The following PCED1B variants were observed in gnomAD, a reference collection of about 807,000 sequenced individuals.
PCED1B encodes the protein PC-esterase domain-containing protein 1B.
For synonymous variants in PCED1B, 251 were observed against 246.1 expected (o/e 1.02, Z -0.19); for missense variants, 573 against 573.9 (o/e 1.00, Z 0.02).
intron 2 of PCED1B, among the ~76,000 whole-genome samples, chr12:47,213,480 A>T (rs1427574128): frequency 6.6e-6 from 1 of 152,206 alleles, no homozygotes; most frequent in African/African-American, 2.4e-5. Flanking sequence ...ATATATATGT[A>T]TATATTTAAT....
chr12:47,193,141 T>C (rs1363815799), intron 2 of PCED1B, among the ~76,000 whole-genome samples: 2 of 152,230 alleles, frequency 1.3e-5, no homozygotes, highest in Non-Finnish European at 2.9e-5. Context: ...CTTATTACTC[T>C]CATCACTTAC....
At chr12:47,181,090 T>TC (rs1942080381) in intron 2 of PCED1B, among the ~76,000 whole-genome samples, 1 of 151,828 alleles carries the variant, frequency 6.6e-6, no homozygotes, top group Non-Finnish European at 1.5e-5. Context: ...ACTCAGGTGA[T>TC]CCCCCACCTC....
At chr12:47,212,297 A>G (rs1255657772) in intron 2 of PCED1B, among the ~76,000 whole-genome samples, 1 of 152,098 alleles carries the variant, frequency 6.6e-6, no homozygotes, top group Non-Finnish European at 1.5e-5. Context: ...CAAAAAGAAA[A>G]AAGGAGAGAG....
At chr12:47,109,242 T>G (rs1325914493) in intron 2 of PCED1B, among the ~76,000 whole-genome samples, 1 of 152,208 alleles carries the variant, frequency 6.6e-6, no homozygotes. Context: ...CCAGTCTTCT[T>G]GCAACTTTCA....
chr12:47,121,341 C>T (rs954134380), intron 2 of PCED1B, among the ~76,000 whole-genome samples: 1 of 152,118 alleles, frequency 6.6e-6, no homozygotes, highest in African/African-American at 2.4e-5. Flanking sequence ...TTAGTGGGTA[C>T]TCATTGCCCT....
chr12:47,211,999 C>T (rs1442591893), intron 2 of PCED1B, among the ~76,000 whole-genome samples: 1 of 147,632 alleles, frequency 6.8e-6, no homozygotes, highest in Non-Finnish European at 1.5e-5. Context: ...GGCGTGAACC[C>T]GGGAGGCGGA....
chr12:47,209,684 A>G (rs1388167094), intron 2 of PCED1B: 1 of 152,212 alleles, frequency 6.6e-6, no homozygotes, highest in African/African-American at 2.4e-5. Flanking sequence ...TGCCTTATCA[A>G]TTTGGGATCT....
intron 1 of PCED1B, among the ~76,000 whole-genome samples, chr12:47,096,799 T>G (rs752715568): frequency 7.2e-5 from 11 of 152,250 alleles, no homozygotes; most frequent in Non-Finnish European, 1.3e-4. Context: ...TTCTATTACA[T>G]ATATTAGAAA....
chr12:47,122,283 G>T (rs1565760804), intron 2 of PCED1B, among the ~76,000 whole-genome samples: 1 of 151,948 alleles, frequency 6.6e-6, no homozygotes, highest in Non-Finnish European at 1.5e-5. Context: ...AAGCACCACA[G>T]CAGATTTACC....
chr12:47,087,090 C>A (rs190499812), intron 1 of PCED1B, among the ~76,000 whole-genome samples: 1 of 152,346 alleles, frequency 6.6e-6, no homozygotes, highest in African/African-American at 2.4e-5. Flanking sequence ...ACAAGGCCCT[C>A]TGTGGTGGCT....
chr12:47,113,523 A>G (rs781582731), intron 2 of PCED1B, among the ~76,000 whole-genome samples: 1 of 152,158 alleles, frequency 6.6e-6, no homozygotes, highest in Non-Finnish European at 1.5e-5. Context: ...CTCCTGCTTC[A>G]AATCCTATTC....
At chr12:47,212,552 C>T (rs1183503068) in intron 2 of PCED1B, among the ~76,000 whole-genome samples, 1 of 152,198 alleles carries the variant, frequency 6.6e-6, no homozygotes, top group African/African-American at 2.4e-5. Context: ...CGAGCTTCAA[C>T]TTGACCTAAC....
At chr12:47,088,335 G>A (rs571396629) in intron 1 of PCED1B, among the ~76,000 whole-genome samples, 1 of 152,154 alleles carries the variant, frequency 6.6e-6, no homozygotes, top group Non-Finnish European at 1.5e-5. Flanking sequence ...GAGCCTGGCT[G>A]TACCAGAGTC....
chr12:47,107,035 G>A (rs549427125), intron 2 of PCED1B, among the ~76,000 whole-genome samples: 1 of 152,208 alleles, frequency 6.6e-6, no homozygotes, highest in East Asian at 1.9e-4. Flanking sequence ...ACCCGGCCAG[G>A]GCTCAAGCAT....
chr12:47,102,461 C>G (rs1214903322), intron 1 of PCED1B, among the ~76,000 whole-genome samples: 1 of 152,188 alleles, frequency 6.6e-6, no homozygotes, highest in Non-Finnish European at 1.5e-5. Flanking sequence ...ACAGTTTTCC[C>G]TGCAACATGA....
At chr12:47,217,001 G>A (rs1235518826) in intron 3 of PCED1B, among the ~76,000 whole-genome samples, 2 of 152,160 alleles carry the variant, frequency 1.3e-5, no homozygotes, top group Non-Finnish European at 2.9e-5. Flanking sequence ...GACCACAAAG[G>A]CTTGGCATCA....
At chr12:47,097,417 C>T (rs1237483671) in intron 1 of PCED1B, among the ~76,000 whole-genome samples, 1 of 152,134 alleles carries the variant, frequency 6.6e-6, no homozygotes. Context: ...GACTGGAAGC[C>T]CACATTAAAG....
At position 47,091,358 on chromosome 12, in the gene PCED1B, T is replaced by G. The variant is rs533994781; in HGVS notation, c.-609+11633T>G. ...TCTTTTATGAGACTTTTGCCCATTA[T>G]GCTGTTGAGTTGTTCAACTTTTTCT... is the stretch of plus-strand genomic sequence containing the variant. On this transcript the variant is annotated intron_variant, in intron 1 of 3. Coordinates refer to ENST00000546455, the MANE Select transcript of PCED1B (RefSeq NM_138371.3). 4.6e-5 allele frequency among the ~76,000 whole-genome samples: 7 copies of G among 152,314 alleles called. No individual in the cohort carries two copies. In the South Asian group the frequency reaches 1.2e-3, roughly 27 times the overall value.
At chr12:47,129,299 C>T (rs1392468910) in intron 2 of PCED1B, among the ~76,000 whole-genome samples, 4 of 151,968 alleles carry the variant, frequency 2.6e-5, no homozygotes, top group Non-Finnish European at 4.4e-5. Flanking sequence ...ATGGTGAAAC[C>T]CTGTCTCCAT....
Sources: gnomAD v4.1 joint callset for allele counts (sites outside exome capture counted in the v4.1 genomes callset) on GRCh38, gnomAD v4.1.1 for gene constraint, MANE v1.5 for transcripts, NCBI Gene and HGNC (gene_info 2026-07-23, HGNC 2026-07-21) for gene names.